KCNMB2: variants seen among roughly 807,000 people sequenced by gnomAD.
The protein encoded by KCNMB2 is calcium-activated potassium channel subunit beta-2.
A neutral mutation model predicts 24.5 loss-of-function variants in KCNMB2; 9 were observed. That is an observed-to-expected ratio of 0.37 (90% confidence interval 0.22 to 0.64). The LOEUF is 0.64. Among genes scored for constraint, KCNMB2 ranks in the 30% least tolerant of loss-of-function variants. The pLI is 0.63. For synonymous variants in KCNMB2, 109 were observed against 104.4 expected, an observed-to-expected ratio of 1.04 and a Z score of -0.27; for missense variants, 226 against 284.3, an observed-to-expected ratio of 0.79 and a Z score of 1.47.
At chr3:178,647,592 AGT>A (rs1333675183) in intron 1 of KCNMB2, among the ~76,000 whole-genome samples, 16 of 152,202 alleles carry the variant, frequency 1.1e-4, no homozygotes, top group African/African-American at 3.9e-4. Flanking sequence ...GCTACCCCAT[AGT>A]GTTTTGTTGA....
chr3:178,578,535 C>A (rs1717074901), intron 1 of KCNMB2, among the ~76,000 whole-genome samples: 2 of 152,104 alleles, frequency 1.3e-5, no homozygotes, highest in Admixed American at 1.3e-4. Flanking sequence ...ACAATGTTAA[C>A]CTCAAATGTA....
intron 1 of KCNMB2, among the ~76,000 whole-genome samples, chr3:178,800,557 G>A (rs13075435): frequency 0.018 from 2,801 of 152,246 alleles, 36 homozygotes; most frequent in Non-Finnish European, 0.027. Flanking sequence ...GGAGAAAAGG[G>A]AACTCTTGTA....
chr3:178,598,226 G>A (rs1717947711), intron 1 of KCNMB2, among the ~76,000 whole-genome samples: 1 of 152,042 alleles, frequency 6.6e-6, no homozygotes, highest in Non-Finnish European at 1.5e-5. Flanking sequence ...GTGTTTGGTG[G>A]GATGAGCTTG....
At chr3:178,603,683 G>A (rs767093874) in intron 1 of KCNMB2, among the ~76,000 whole-genome samples, 1 of 152,132 alleles carries the variant, frequency 6.6e-6, no homozygotes, top group Non-Finnish European at 1.5e-5. Context: ...CATAGGGAGA[G>A]CATGTTAGTT....
chr3:178,709,590 C>T (rs1722386443), intron 1 of KCNMB2, among the ~76,000 whole-genome samples: 1 of 152,120 alleles, frequency 6.6e-6, no homozygotes, highest in Non-Finnish European at 1.5e-5. Flanking sequence ...AGAAAGGGCA[C>T]ATCTGAAATG....
intron 1 of KCNMB2, among the ~76,000 whole-genome samples, chr3:178,703,516 C>CAA (rs11414245): frequency 2.0e-5 from 3 of 151,750 alleles, no homozygotes; most frequent in African/African-American, 7.3e-5. Flanking sequence ...CCCACCCCCC[C>CAA]AAAAAAAGTA....
chr3:178,647,298 G>A (rs948815357), intron 1 of KCNMB2, among the ~76,000 whole-genome samples: 2 of 152,124 alleles, frequency 1.3e-5, no homozygotes, highest in South Asian at 2.1e-4. Flanking sequence ...GACAGATGAA[G>A]TTCATTACCT....
chr3:178,795,338 CA>C (rs1193001929), intron 1 of KCNMB2: 2 of 152,002 alleles, frequency 1.3e-5, no homozygotes, highest in African/African-American at 2.4e-5. Flanking sequence ...TTGAGAATGT[CA>C]AAGACCCTGG....
chr3:178,693,519 G>A (rs1721759739), intron 1 of KCNMB2, among the ~76,000 whole-genome samples: 1 of 152,136 alleles, frequency 6.6e-6, no homozygotes, highest in African/African-American at 2.4e-5. Context: ...TGTGGTTTTT[G>A]TCTTTAGCTC....
intron 1 of KCNMB2, among the ~76,000 whole-genome samples, chr3:178,744,339 T>C (rs1447979891): frequency 6.6e-6 from 1 of 152,230 alleles, no homozygotes; most frequent in African/African-American, 2.4e-5. Flanking sequence ...CTTCTGTTTT[T>C]CAACAAAAGG....
chr3:178,767,116 C>T (rs1018600855), intron 1 of KCNMB2, among the ~76,000 whole-genome samples: 1 of 152,154 alleles, frequency 6.6e-6, no homozygotes, highest in African/African-American at 2.4e-5. Context: ...CCAAAACAAA[C>T]AATTATCTGG....
chr3:178,795,926 A>T (rs1039177862), intron 1 of KCNMB2, among the ~76,000 whole-genome samples: 1 of 152,180 alleles, frequency 6.6e-6, no homozygotes, highest in Non-Finnish European at 1.5e-5. Context: ...ATTAAATTTA[A>T]TATTTGTACT....
intron 1 of KCNMB2, among the ~76,000 whole-genome samples, chr3:178,706,763 T>G (rs1408560168): frequency 1.3e-5 from 2 of 152,174 alleles, no homozygotes; most frequent in Non-Finnish European, 2.9e-5. Context: ...GTGCGCATTA[T>G]AGTCCACACC....
intron 1 of KCNMB2, among the ~76,000 whole-genome samples, chr3:178,626,901 GTA>G (rs1397386086): frequency 1.3e-5 from 2 of 148,258 alleles, no homozygotes; most frequent in African/African-American, 4.9e-5. Context: ...TATATAGTAA[GTA>G]TATATATAAG....
intron 1 of KCNMB2, among the ~76,000 whole-genome samples, chr3:178,699,634 G>A (rs1232842685): frequency 6.6e-6 from 1 of 152,218 alleles, no homozygotes; most frequent in Non-Finnish European, 1.5e-5. Context: ...AGACCAAGGG[G>A]TGCTCAGGTC....
chr3:178,825,841 T>C (rs1714812815), intron 3 of KCNMB2, 83 bp downstream of exon 3: 1 of 984,954 alleles, frequency 1.0e-6, no homozygotes, highest in Middle Eastern at 2.8e-4. Flanking sequence ...TAAGGTCATC[T>C]TCCTCACCTT....
chr3:178,712,825 A>G (rs191271160), intron 1 of KCNMB2, among the ~76,000 whole-genome samples: 6 of 152,340 alleles, frequency 3.9e-5, no homozygotes, highest in Non-Finnish European at 8.8e-5. Flanking sequence ...TATATTATTC[A>G]AAGAGATTTT....
intron 1 of KCNMB2, among the ~76,000 whole-genome samples, chr3:178,626,954 C>T (rs13088919): frequency 0.19 from 27,724 of 149,732 alleles, 3,835 homozygotes; most frequent in African/African-American, 0.39. Context: ...GTAAACTTAA[C>T]TTGTTAACTA....
intron 1 of KCNMB2, among the ~76,000 whole-genome samples, chr3:178,629,620 A>G (rs759300055): frequency 2.0e-5 from 3 of 152,240 alleles, no homozygotes; most frequent in Non-Finnish European, 4.4e-5. Flanking sequence ...GTTATGTAAT[A>G]GTTACAGAGT....
Sources: gnomAD v4.1 joint callset for allele counts (sites outside exome capture counted in the v4.1 genomes callset) on GRCh38, gnomAD v4.1.1 for gene constraint, MANE v1.5 for transcripts, NCBI Gene and HGNC (gene_info 2026-07-23, HGNC 2026-07-21) for gene names.